The following CCL18 variants were observed in gnomAD, a reference collection of about 807,000 sequenced individuals.
The protein encoded by CCL18 is C-C motif chemokine 18.
In CCL18, 7 loss-of-function variants were observed where a neutral mutation model predicts 8.0. The ratio of observed to expected loss-of-function variants is 0.87; its 90% CI spans 0.50 to 1.64. The LOEUF is 1.64. Ranked by LOEUF, CCL18 falls within the 40% of genes most tolerant of loss-of-function variation. The pLI is 0.00. For missense variants in CCL18, 95 were observed against 107.8 expected, an observed-to-expected ratio of 0.88 and a Z score of 0.52; for synonymous variants, 35 against 41.3, an observed-to-expected ratio of 0.85 and a Z score of 0.59.
chr17:36,071,347 G>C lies in CCL18; in HGVS notation c.*306G>C. 1 of 326,812 alleles carries C rather than the reference G, an allele frequency of 3.1e-6. No homozygotes were observed. The highest frequency in any genetic ancestry group is 5.6e-6 in the Non-Finnish European group (1 of 178,788). 20.2% of individuals were successfully genotyped at this position (326,812 alleles called of 1,614,324 possible). A position where few individuals can be genotyped will look rare whatever the true frequency, so the allele number is the denominator to read the frequency against. On this transcript the variant is annotated 3_prime_UTR_variant, in exon 3 of 3. Transcript: ENST00000616054. ...ATTCAATGCATGGATCAATCAGTGTGATTAGCTTTCTCAGCAGACATTGTG... is the reference window on the plus strand; with the variant it reads ...ATTCAATGCATGGATCAATCAGTGTCATTAGCTTTCTCAGCAGACATTGTG...
At chr17:36,065,986 C>T (rs567327583) in intron 1 of CCL18, among the ~76,000 whole-genome samples, 5 of 152,156 alleles carry the variant, frequency 3.3e-5, no homozygotes, top group Non-Finnish European at 5.9e-5. Context: ...TGAAGGAACT[C>T]TGCCACTTCC....
intron 1 of CCL18, among the ~76,000 whole-genome samples, chr17:36,069,492 T>C (rs1446082713): frequency 2.0e-5 from 3 of 152,198 alleles, no homozygotes; most frequent in African/African-American, 7.2e-5. Context: ...AGGCTTAATA[T>C]CTGGGTGATG....
chr17:36,066,779 T>C (rs973420112), intron 1 of CCL18, among the ~76,000 whole-genome samples: 4 of 152,208 alleles, frequency 2.6e-5, no homozygotes, highest in African/African-American at 7.2e-5. Context: ...TAAATGGTCA[T>C]GCCACAGCGT....
At chr17:36,066,288 C>T (rs540810565) in intron 1 of CCL18, among the ~76,000 whole-genome samples, 28 of 152,254 alleles carry the variant, frequency 1.8e-4, no homozygotes, top group African/African-American at 5.1e-4. Flanking sequence ...GAGAGTCTCA[C>T]GGGACAGATG....
chr17:36,065,583 G>A (rs1262266016), intron 1 of CCL18, among the ~76,000 whole-genome samples: 1 of 152,136 alleles, frequency 6.6e-6, no homozygotes, highest in Non-Finnish European at 1.5e-5. Flanking sequence ...CAGTGGATAT[G>A]GAGAAACATA....
chr17:36,065,608 C>CA (rs1487599932), intron 1 of CCL18, among the ~76,000 whole-genome samples: 1 of 152,106 alleles, frequency 6.6e-6, no homozygotes, highest in Non-Finnish European at 1.5e-5. Flanking sequence ...AGGCAGGAGA[C>CA]AATGGGGTGC....
chr17:36,070,843 C>T (rs1412515386), intron 2 of CCL18, 108 bp from the exon 3 acceptor site: 20 of 862,288 alleles, frequency 2.3e-5, no homozygotes, highest in African/African-American at 5.0e-5. Context: ...GGAAATTTTA[C>T]GGGCACGAGG....
intron 1 of CCL18, among the ~76,000 whole-genome samples, chr17:36,069,302 C>T (rs900932311): frequency 7.9e-5 from 12 of 152,200 alleles, no homozygotes; most frequent in African/African-American, 2.9e-4. Flanking sequence ...AGCATCTCAC[C>T]TCCTTTCACT....
chr17:36,065,694 G>C (rs2066833503), intron 1 of CCL18, among the ~76,000 whole-genome samples: 1 of 152,194 alleles, frequency 6.6e-6, no homozygotes. Flanking sequence ...AAAGGGACCA[G>C]CAAGAAGTTG....
chr17:36,068,681 G>A (rs949605423), intron 1 of CCL18, among the ~76,000 whole-genome samples: 22 of 152,180 alleles, frequency 1.4e-4, no homozygotes, highest in African/African-American at 5.1e-4. Flanking sequence ...GAGACATTAT[G>A]AGGATGTGAT....
In CCL18 at chr17:36,070,531, G is replaced by T. The variant is rs1453058537; in HGVS notation, c.152G>T (p.Ser51Ile). The T allele has an allele frequency of 1.2e-6, 2 of 1,612,480 alleles. No homozygotes were observed. The highest frequency in any genetic ancestry group is 1.7e-5 in the Admixed American group (1 of 60,020). Residue 51 changes from serine to isoleucine, a missense_variant, in exon 2 of 3, where the codon AGC becomes ATC. Coordinates refer to ENST00000616054, the MANE Select transcript of CCL18 (RefSeq NM_002988.4). ...QKFIVDYSET[S>I]PQCPKPGVIL... ...TTCATAGTTGACTATTCTGAAACCA[G>T]CCCCCAGTGCCCCAAGCCAGGTGTC...
rs540060026 is a variant in CCL18 at position 36,070,970 on chromosome 17, C to T, written c.199C>T (p.Arg67Trp). 2.7e-5 allele frequency: 44 copies of T among 1,613,680 alleles called. No individual in the cohort carries two copies. Among genetic ancestry groups the T allele is most frequent in the Middle Eastern group, 3.3e-4 (2 of 6,060 alleles). Residue 67 changes from arginine (R) to tryptophan (W), a missense_variant, in exon 3 of 3, where the codon CGG becomes TGG. Coordinates refer to ENST00000616054, the MANE Select transcript of CCL18 (RefSeq NM_002988.4). The part of the protein sequence containing the change: ...PGVILLTKRG[R>W]QICADPNKKW... ...CCACAGCCTCCTAACCAAGAGAGGC[C>T]GGCAGATCTGTGCTGACCCCAATAA...
Position 36,067,280 on chromosome 17 carries a change from T to C in CCL18, c.67+2871T>C, listed in dbSNP as rs531216967. 1.1e-3 allele frequency among the ~76,000 whole-genome samples: 173 copies of C among 152,310 alleles called. 2 individuals are homozygous for C. In the South Asian group the frequency reaches 0.022, roughly 19 times the overall value. ...GGGTGTCTATATAGATCAGGAGCCT[T>C]AGATGCCCTTATTTTTTCACCCAGG... On this transcript the variant is annotated intron_variant, in intron 1 of 2. Transcript: ENST00000616054.
rs1012217924 is a variant in CCL18 at position 36,071,125 on chromosome 17, C to A, written c.*84C>A. 1 of 842,094 alleles carries A rather than the reference C, an allele frequency of 1.2e-6. No individual in the cohort carries two copies. Among genetic ancestry groups the A allele is most frequent in the Non-Finnish European group, 1.9e-6 (1 of 512,980 alleles). 52.2% of individuals were successfully genotyped at this position (842,094 alleles called of 1,614,324 possible). Reference sequence around the variant, plus strand: ...CTGAGCCAGGGCAATGGCCCTGCCACCCTGGAGGCTACCTCTTCTAAGAGT... The same window carrying A: ...CTGAGCCAGGGCAATGGCCCTGCCAACCTGGAGGCTACCTCTTCTAAGAGT... On this transcript the variant is annotated 3_prime_UTR_variant, in exon 3 of 3. Transcript: ENST00000616054.
chr17:36,069,646 C>T (rs1568527486), intron 1 of CCL18, among the ~76,000 whole-genome samples: 1 of 152,120 alleles, frequency 6.6e-6, no homozygotes, highest in Non-Finnish European at 1.5e-5. Flanking sequence ...TTCTAATACC[C>T]CAAGGCTGCC....
chr17:36,064,347 A>G lies in CCL18; in HGVS notation c.5A>G (p.Lys2Arg). M[K>R]GLAAALLVLV... ...CTTCTCTGCCTGCCCAGCATCATGAAGGGCCTTGCAGCTGCCCTCCTTGTC... is the reference window on the plus strand; with the variant it reads ...CTTCTCTGCCTGCCCAGCATCATGAGGGGCCTTGCAGCTGCCCTCCTTGTC... Residue 2 changes from lysine to arginine, a missense_variant, in exon 1 of 3, where the codon AAG becomes AGG. Lys to Arg is a conservative substitution (Grantham distance 26, BLOSUM62 2). Transcript: ENST00000616054. 3.1e-6 allele frequency: 5 copies of G among 1,613,780 alleles called. No homozygotes were observed. Among genetic ancestry groups the G allele is most frequent in the Non-Finnish European group, 4.2e-6 (5 of 1,179,724 alleles).
At chr17:36,070,354 C>T in intron 1 of CCL18, 93 bp from the exon 2 acceptor site, 2 of 728,668 alleles carry the variant, frequency 2.7e-6, no homozygotes, top group Non-Finnish European at 2.5e-6. Flanking sequence ...GTGATATCTC[C>T]CAGTTCTTCC....
chr17:36,070,460 A>G lies in CCL18; in HGVS notation c.81A>G (p.Lys27=). Residue 27 remains lysine (K), a synonymous_variant, in exon 2 of 3, where the codon AAA becomes AAG. Transcript: ENST00000616054. ...LCSCAQVGTN[K]ELCCLVYTSW... is the part of the protein sequence containing the mutation. ...TGTCTCTTGCAGTTGGTACCAACAAAGAGCTCTGCTGCCTCGTCTATACCT... is the reference window on the plus strand; with the variant it reads ...TGTCTCTTGCAGTTGGTACCAACAAGGAGCTCTGCTGCCTCGTCTATACCT... 2 of 1,610,610 alleles carry G rather than the reference A, an allele frequency of 1.2e-6. No homozygotes were observed. The highest frequency in any genetic ancestry group is 1.7e-6 in the Non-Finnish European group (2 of 1,176,724).
intron 1 of CCL18, among the ~76,000 whole-genome samples, chr17:36,064,662 G>T (rs1006555907): frequency 6.6e-6 from 1 of 152,170 alleles, no homozygotes; most frequent in African/African-American, 2.4e-5. Flanking sequence ...TTATTAGCGT[G>T]AGGTAGAATC....
Sources: allele counts gnomAD v4.1 joint callset (sites outside exome capture counted in the v4.1 genomes callset), GRCh38; gene constraint gnomAD v4.1.1; transcripts MANE v1.5; gene names NCBI Gene and HGNC (gene_info 2026-07-23, HGNC 2026-07-21).